Variants in FKBP1B observed in about 807,000 individuals in gnomAD.
FKBP1B encodes peptidyl-prolyl cis-trans isomerase FKBP1B.
In FKBP1B, 4 loss-of-function variants were observed where a neutral mutation model predicts 13.5. That is an observed-to-expected ratio of 0.30 (90% CI 0.15 to 0.68). The LOEUF is 0.68. Among genes scored for constraint, FKBP1B ranks in the 30% least tolerant of loss-of-function variants. The pLI is 0.76. For missense variants in FKBP1B, 93 were observed against 136.2 expected, an observed-to-expected ratio of 0.68 and a Z score of 1.58; for synonymous variants, 54 against 53.6, an observed-to-expected ratio of 1.01 and a Z score of -0.03.
intron 2 of FKBP1B, among the ~76,000 whole-genome samples, chr2:24,057,602 A>G (rs528839981): frequency 5.2e-4 from 79 of 151,996 alleles, no homozygotes; most frequent in African/African-American, 1.8e-3. Flanking sequence ...CGAACTCCCT[A>G]CCTCAGGTGA....
In FKBP1B at chr2:24,061,152, C is replaced by G. The variant is rs536311160; in HGVS notation, c.198+226C>G. ...CTGGGGGCTCTCATCCCAAGCACAT[C>G]CCCCTAGGCTTGCTCAGAACTAGCT... On this transcript the variant is annotated intron_variant, in intron 3 of 3. Coordinates refer to ENST00000380986, the MANE Select transcript of FKBP1B (RefSeq NM_004116.5). Among the ~76,000 whole-genome samples, 112 of 152,222 alleles carry G rather than the reference C, an allele frequency of 7.4e-4. 3 individuals carry two copies. In the South Asian group the frequency reaches 0.023, roughly 31 times the overall value.
At position 24,049,777 on chromosome 2, in the gene FKBP1B, G is replaced by C; in HGVS notation, c.-73G>C. On this transcript the variant is annotated 5_prime_UTR_variant, in exon 1 of 4. Transcript: ENST00000380986. ...GAGGAGGCGAGCCGGAGCGACGGCGGGGCTGGGGCCGGAGCCGAGCCGGGG... is the reference window on the plus strand; with the variant it reads ...GAGGAGGCGAGCCGGAGCGACGGCGCGGCTGGGGCCGGAGCCGAGCCGGGG... The C allele has an allele frequency of 8.2e-7, 1 of 1,224,326 alleles. No homozygotes were observed. Among genetic ancestry groups the C allele is most frequent in the Non-Finnish European group, 1.0e-6 (1 of 960,954 alleles). 75.8% of individuals were successfully genotyped at this position (1,224,326 alleles called of 1,614,324 possible). A position where few individuals can be genotyped will look rare whatever the true frequency, so the allele number is the denominator to read the frequency against.
chr2:24,055,625 A>G (rs966662328), intron 2 of FKBP1B, among the ~76,000 whole-genome samples: 1 of 152,136 alleles, frequency 6.6e-6, no homozygotes, highest in African/African-American at 2.4e-5. Context: ...ACTCACTATT[A>G]TGTCTGCGAG....
the FKBP1B span, chr2:24,038,509 G>A: frequency 2.5e-6 from 4 of 1,614,116 alleles, no homozygotes; most frequent in African/African-American, 5.3e-5. Context: ...TCTCGTCATG[G>A]TAACTGCCTT....
the FKBP1B span, among the ~76,000 whole-genome samples, chr2:24,039,901 G>A: frequency 7.2e-5 from 11 of 151,996 alleles, no homozygotes; most frequent in South Asian, 6.2e-4. Flanking sequence ...GGGTTCAAGC[G>A]ATTCTTCTGC....
the FKBP1B span, among the ~76,000 whole-genome samples, chr2:24,034,645 C>T: frequency 1.3e-5 from 2 of 150,414 alleles, no homozygotes; most frequent in African/African-American, 4.9e-5. Context: ...ACGATCACAG[C>T]TCACTGCAGC....
chr2:24,034,985 GA>G, the FKBP1B span, among the ~76,000 whole-genome samples: 1 of 151,384 alleles, frequency 6.6e-6, no homozygotes, highest in Non-Finnish European at 1.5e-5. Context: ...CCTATTTAAA[GA>G]AAATTTTAAA....
the FKBP1B span, chr2:24,039,283 T>C: frequency 1.2e-6 from 2 of 1,614,094 alleles, no homozygotes; most frequent in Non-Finnish European, 1.7e-6. Flanking sequence ...AGGTGTATCA[T>C]CTGCAACAGG....
chr2:24,033,811 G>C, the FKBP1B span, among the ~76,000 whole-genome samples: 3 of 152,124 alleles, frequency 2.0e-5, no homozygotes, highest in East Asian at 3.8e-4. Flanking sequence ...TAAGCACTTT[G>C]GGAGGCCAGA....
the FKBP1B span, among the ~76,000 whole-genome samples, chr2:24,040,643 TGTAAA>T: frequency 6.6e-6 from 1 of 152,256 alleles, no homozygotes; most frequent in Non-Finnish European, 1.5e-5. Context: ...TTTAAAATAA[TGTAAA>T]GTAGGTTAGG....
At chr2:24,061,094 C>T (rs887170413) in intron 3 of FKBP1B, among the ~76,000 whole-genome samples, 168 bp downstream of exon 3, 2 of 152,134 alleles carry the variant, frequency 1.3e-5, no homozygotes, top group South Asian at 4.1e-4. Flanking sequence ...GCGTCCCCAC[C>T]CCTCTCCTTG....
the FKBP1B span, chr2:24,038,873 A>G: frequency 1.2e-6 from 2 of 1,614,100 alleles, no homozygotes; most frequent in African/African-American, 2.7e-5. Context: ...GCTGTGATGG[A>G]GCAGACGTGG....
At chr2:24,039,280 T>A in the FKBP1B span, 2 of 1,614,182 alleles carry the variant, frequency 1.2e-6, no homozygotes, top group Non-Finnish European at 1.7e-6. Context: ...AACAGGTGTA[T>A]CATCTGCAAC....
At position 24,063,460 on chromosome 2, in the gene FKBP1B, CAGAACACAG is replaced by C; in HGVS notation, c.*270_*278del. On this transcript the variant is annotated 3_prime_UTR_variant, in exon 4 of 4. Transcript: ENST00000380986. Reference sequence around the variant, plus strand: ...TGCATGTAGTAGCCTTTCCTGATGACAGAACACAGATCTCTTGTTCGCACAATCTACACT... The same window carrying C: ...TGCATGTAGTAGCCTTTCCTGATGACATCTCTTGTTCGCACAATCTACACT... 1 of 382,388 alleles carries C rather than the reference CAGAACACAG, an allele frequency of 2.6e-6. No individual in the cohort carries two copies. Among genetic ancestry groups the C allele is most frequent in the Non-Finnish European group, 4.7e-6 (1 of 214,542 alleles). The allele number at this position is 382,388 out of a possible 1,614,324, so 23.7% of individuals were successfully genotyped here.
upstream of FKBP1B, among the ~76,000 whole-genome samples, chr2:24,046,648 G>C (rs576239173): frequency 1.3e-5 from 2 of 152,148 alleles, no homozygotes; most frequent in South Asian, 2.1e-4. Flanking sequence ...CCCCCAACTT[G>C]TTTTCCAAGT....
chr2:24,051,668 C>G (rs1215328157), intron 1 of FKBP1B, among the ~76,000 whole-genome samples: 1 of 152,172 alleles, frequency 6.6e-6, no homozygotes, highest in Non-Finnish European at 1.5e-5. Flanking sequence ...ACATGTTGTT[C>G]CCTCTTCCCA....
chr2:24,033,576 A>T, the FKBP1B span, among the ~76,000 whole-genome samples: 1 of 150,248 alleles, frequency 6.7e-6, no homozygotes, highest in Non-Finnish European at 1.5e-5. Context: ...CCCTGTCTTT[A>T]CAAAAAATAA....
chr2:24,059,375 G>GC (rs947427217), intron 2 of FKBP1B, among the ~76,000 whole-genome samples: 6 of 149,406 alleles, frequency 4.0e-5, no homozygotes, highest in African/African-American at 1.0e-4. Flanking sequence ...CAGCACCTGG[G>GC]GGGGGGTTCT....
chr2:24,035,066 C>T, the FKBP1B span, among the ~76,000 whole-genome samples: 2 of 151,236 alleles, frequency 1.3e-5, no homozygotes, highest in African/African-American at 2.4e-5. Flanking sequence ...GAAATATTTA[C>T]ATCTAACATC....
Sources: allele counts gnomAD v4.1 joint callset (sites outside exome capture counted in the v4.1 genomes callset), GRCh38; gene constraint gnomAD v4.1.1; transcripts MANE v1.5; gene names NCBI Gene and HGNC (gene_info 2026-07-23, HGNC 2026-07-21).